The following METTL15 variants were observed in gnomAD, a reference collection of about 807,000 sequenced individuals.
METTL15 encodes 12S rRNA N(4)-cytidine methyltransferase METTL15.
A neutral mutation model predicts 38.3 loss-of-function variants in METTL15; 34 were observed. That is an observed-to-expected ratio of 0.89 (90% CI 0.68 to 1.18). The LOEUF is 1.18. Ranked by LOEUF, METTL15 falls within the 50% of genes most tolerant of loss-of-function variation. The probability of loss-of-function intolerance (pLI) is 0.00; values close to 1 mark genes in which losing one functional copy is unlikely to be tolerated. For missense variants in METTL15, 438 were observed against 498.4 expected, an observed-to-expected ratio of 0.88 and a Z score of 1.15; for synonymous variants, 162 against 170.9, an observed-to-expected ratio of 0.95 and a Z score of 0.41.
intron 4 of METTL15, among the ~76,000 whole-genome samples, chr11:28,218,793 CT>C (rs1196527739): frequency 9.9e-5 from 15 of 151,980 alleles, no homozygotes; most frequent in African/African-American, 3.6e-4. Context: ...TTTCAAAGGC[CT>C]TTTCTGCATG....
chr11:28,328,591 A>G (rs1849713803), intron 6 of METTL15, among the ~76,000 whole-genome samples: 1 of 152,122 alleles, frequency 6.6e-6, no homozygotes, highest in South Asian at 2.1e-4. Flanking sequence ...TCTCTATGGG[A>G]TAATACTCTT....
intron 4 of METTL15, among the ~76,000 whole-genome samples, chr11:28,247,560 T>C (rs934046856): frequency 3.3e-5 from 5 of 152,282 alleles, no homozygotes; most frequent in Middle Eastern, 6.8e-3. Context: ...TTGCATCTTT[T>C]GTAATTTGAC....
At chr11:28,115,935 TACACACACACAC>T (rs112533269) in intron 3 of METTL15, among the ~76,000 whole-genome samples, 7 of 142,354 alleles carry the variant, frequency 4.9e-5, no homozygotes, top group Non-Finnish European at 9.2e-5. Flanking sequence ...CACATACACA[TACACACACACAC>T]ACACACACAC....
chr11:28,142,221 T>G lies in METTL15; in HGVS notation c.270+28617T>G, dbSNP rs559616416. On this transcript the variant is annotated intron_variant, in intron 3 of 6. Transcript: ENST00000407364. ...AAAATAGAATGAGTGTTACAGTGAG[T>G]GGACTAGAGGAGATTGGTTTTATAG... Among the ~76,000 whole-genome samples, 3 of 152,146 alleles carry G rather than the reference T, an allele frequency of 2.0e-5. No individual in the cohort carries two copies. The South Asian group carries it at 6.2e-4, about 32-fold the overall frequency.
intron 6 of METTL15, among the ~76,000 whole-genome samples, chr11:28,318,380 T>A (rs1849344583): frequency 6.6e-6 from 1 of 151,782 alleles, no homozygotes; most frequent in Non-Finnish European, 1.5e-5. Context: ...TATATATATA[T>A]AAAATTGCAG....
intron 6 of METTL15, among the ~76,000 whole-genome samples, chr11:28,468,809 T>C (rs1851278962): frequency 6.6e-6 from 1 of 152,178 alleles, no homozygotes; most frequent in African/African-American, 2.4e-5. Flanking sequence ...ATTGTCTTTG[T>C]ATCTTAATGT....
At chr11:28,389,319 G>T (rs1375137324) in intron 5 of METTL15, among the ~76,000 whole-genome samples, 1 of 150,492 alleles carries the variant, frequency 6.6e-6, no homozygotes. Flanking sequence ...CCATGCTGGT[G>T]TGCTGCACCC....
chr11:28,271,699 C>G (rs537502269), intron 4 of METTL15, among the ~76,000 whole-genome samples: 1 of 151,814 alleles, frequency 6.6e-6, no homozygotes, highest in Non-Finnish European at 1.5e-5. Context: ...AATTACTATA[C>G]TAAAAGCCAA....
chr11:28,231,217 T>A (rs902046423), intron 4 of METTL15, among the ~76,000 whole-genome samples: 2 of 151,890 alleles, frequency 1.3e-5, no homozygotes, highest in African/African-American at 4.8e-5. Flanking sequence ...AAGAAGTATT[T>A]ATTTAAGATA....
chr11:28,293,894 G>A (rs1057244029), intron 5 of METTL15, among the ~76,000 whole-genome samples: 16 of 152,058 alleles, frequency 1.1e-4, no homozygotes, highest in Non-Finnish European at 2.4e-4. Flanking sequence ...TGTGATTTTT[G>A]CACATTGATT....
intron 2 of METTL15, among the ~76,000 whole-genome samples, chr11:28,111,299 C>T (rs1410167274): frequency 6.6e-6 from 1 of 152,160 alleles, no homozygotes; most frequent in Non-Finnish European, 1.5e-5. Flanking sequence ...CTGCGTTTTC[C>T]TGTATAGTTC....
At chr11:28,257,527 G>C (rs532071501) in intron 4 of METTL15, among the ~76,000 whole-genome samples, 1 of 152,212 alleles carries the variant, frequency 6.6e-6, no homozygotes, top group South Asian at 2.1e-4. Flanking sequence ...GTAACTCTTA[G>C]ATTTGCCCTT....
chr11:28,465,341 A>T (rs1226098768), intron 6 of METTL15, among the ~76,000 whole-genome samples: 1 of 151,636 alleles, frequency 6.6e-6, no homozygotes, highest in South Asian at 2.1e-4. Flanking sequence ...CAGGGGTCCT[A>T]TGTCTTCTCC....
rs768114923 is a variant in METTL15, at chr11:28,211,127, T to C, written c.336T>C (p.Asp112=). The part of the protein sequence containing the change: ...HTKAILQKES[D]IVLYALDRDP... ...AAGCCATTCTGCAGAAGGAGTCAGA[T>C]ATTGTTCTCTATGCCTTGGACAGAG... is the stretch of plus-strand genomic sequence containing the variant. Residue 112 remains aspartate (D), a synonymous_variant, in exon 4 of 7, where the codon GAT becomes GAC. Coordinates refer to ENST00000407364, the MANE Select transcript of METTL15 (RefSeq NM_001113528.2). 6.2e-7 allele frequency: 1 copy of C among 1,612,980 alleles called. No homozygotes were observed. The highest frequency in any genetic ancestry group is 1.1e-5 in the South Asian group (1 of 90,988).
intron 6 of METTL15, among the ~76,000 whole-genome samples, chr11:28,318,589 CA>C (rs1299153623): frequency 6.6e-6 from 1 of 152,186 alleles, no homozygotes; most frequent in African/African-American, 2.4e-5. Flanking sequence ...TCTCTATCAA[CA>C]TTTCTTAAGC....
At chr11:28,235,415 A>C (rs1272465830) in intron 4 of METTL15, among the ~76,000 whole-genome samples, 1 of 151,640 alleles carries the variant, frequency 6.6e-6, no homozygotes, top group Non-Finnish European at 1.5e-5. Context: ...CATTTTCACG[A>C]TATTGATTCT....
chr11:28,426,407 T>C (rs896960926), intron 6 of METTL15, among the ~76,000 whole-genome samples: 8 of 152,132 alleles, frequency 5.3e-5, no homozygotes, highest in Non-Finnish European at 8.8e-5. Flanking sequence ...GTCTTTATAA[T>C]AGAATGATTT....
At chr11:28,346,660 C>A (rs768016714) in intron 3 of METTL15, among the ~76,000 whole-genome samples, 7 of 152,228 alleles carry the variant, frequency 4.6e-5, no homozygotes, top group Non-Finnish European at 8.8e-5. Context: ...CCAACCTTTT[C>A]AAAATCAAAA....
intron 5 of METTL15, among the ~76,000 whole-genome samples, chr11:28,368,143 C>CAAAAAAAAAAAAAAA (rs1421370868): frequency 2.3e-5 from 2 of 87,064 alleles, no homozygotes; most frequent in African/African-American, 4.5e-5. Flanking sequence ...AAAAAAAAAA[C>CAAAAAAAAAAAAAAA]AAAAAAAACA....
Sources: allele counts gnomAD v4.1 joint callset (sites outside exome capture counted in the v4.1 genomes callset), GRCh38; gene constraint gnomAD v4.1.1; transcripts MANE v1.5; gene names NCBI Gene and HGNC (gene_info 2026-07-23, HGNC 2026-07-21).